Variants in SNX7 observed in about 807,000 individuals in gnomAD.
SNX7 encodes sorting nexin-7.
A neutral mutation model predicts 48.4 loss-of-function variants in SNX7; 35 were observed. The ratio of observed to expected loss-of-function variants is 0.72; its 90% confidence interval spans 0.55 to 0.96. SNX7 has a LOEUF of 0.96. Ranked by LOEUF, SNX7 falls within the 40% of genes least tolerant of loss-of-function variation. The probability of loss-of-function intolerance (pLI) is 0.00; values close to 1 mark genes in which losing one functional copy is unlikely to be tolerated. For missense variants in SNX7, 553 were observed against 548.9 expected (o/e 1.01, Z -0.07); for synonymous variants, 190 against 190.2 (o/e 1.00, Z 0.01).
At chr1:98,664,727 A>C (rs1157569281) in intron 1 of SNX7, among the ~76,000 whole-genome samples, 2 of 152,212 alleles carry the variant, frequency 1.3e-5, no homozygotes, top group African/African-American at 2.4e-5. Context: ...GATGGAAAGT[A>C]AAACAAAGTT....
chr1:98,717,904 A>G (rs1420204461), intron 7 of SNX7, among the ~76,000 whole-genome samples: 3 of 152,110 alleles, frequency 2.0e-5, no homozygotes, highest in Non-Finnish European at 4.4e-5. Flanking sequence ...GAAGCTTTTA[A>G]TGTAAACTTA....
At chr1:98,707,438 CTG>C (rs1292405585) in intron 7 of SNX7, among the ~76,000 whole-genome samples, 1 of 152,114 alleles carries the variant, frequency 6.6e-6, no homozygotes, top group African/African-American at 2.4e-5. Context: ...ATAATAATAA[CTG>C]AGATTATGAG....
intron 8 of SNX7, among the ~76,000 whole-genome samples, chr1:98,739,264 C>T (rs981380383): frequency 2.0e-5 from 3 of 152,218 alleles, no homozygotes; most frequent in African/African-American, 4.8e-5. Flanking sequence ...GCTCACCCGC[C>T]GCTCACCTCC....
chr1:98,707,306 A>G (rs562281499), intron 7 of SNX7, among the ~76,000 whole-genome samples: 7 of 152,306 alleles, frequency 4.6e-5, no homozygotes, highest in South Asian at 4.2e-4. Flanking sequence ...ATAATTTGAT[A>G]TATGATAATT....
Position 98,701,816 on chromosome 1 carries a change from G to A in SNX7, c.1039-1G>A, listed in dbSNP as rs762890900. 2 of 1,603,406 alleles carry A rather than the reference G, an allele frequency of 1.2e-6. No homozygotes were observed. Among genetic ancestry groups the A allele is most frequent in the East Asian group, 4.5e-5 (2 of 44,436 alleles). On this transcript the variant is annotated splice_acceptor_variant, in intron 6 of 8. Coordinates refer to ENST00000306121, the MANE Select transcript of SNX7 (RefSeq NM_015976.5). LOFTEE classifies it high-confidence loss of function. ...TTTTATCTGTGTGTTTTAATGTAAA[G>A]GGTGTTATGAAAAGAAGAGACCAAA...
At chr1:98,678,608 A>G (rs1005835612) in intron 1 of SNX7, among the ~76,000 whole-genome samples, 4 of 152,296 alleles carry the variant, frequency 2.6e-5, no homozygotes, top group South Asian at 4.1e-4. Context: ...ATCTTGTTCT[A>G]AAAAGTAAAG....
intron 1 of SNX7, among the ~76,000 whole-genome samples, chr1:98,682,406 T>C (rs960540970): frequency 1.3e-5 from 2 of 152,194 alleles, no homozygotes; most frequent in African/African-American, 4.8e-5. Flanking sequence ...TATTTTTTTC[T>C]TTCTTGGCAT....
intron 7 of SNX7, among the ~76,000 whole-genome samples, chr1:98,710,648 A>T (rs192008088): frequency 1.3e-5 from 2 of 152,190 alleles, no homozygotes; most frequent in African/African-American, 4.8e-5. Context: ...ACCAGATTCA[A>T]TTTCTTTTTA....
chr1:98,693,933 T>C (rs1651286320), intron 4 of SNX7, among the ~76,000 whole-genome samples: 1 of 152,232 alleles, frequency 6.6e-6, no homozygotes, highest in African/African-American at 2.4e-5. Flanking sequence ...CTTTTTTGTT[T>C]GTATTTGTTC....
rs139708787 is a variant in SNX7 at position 98,736,209 on chromosome 1, A to G, written c.1126-2028A>G. 2.2e-3 allele frequency among the ~76,000 whole-genome samples: 330 copies of G among 152,328 alleles called. 5 individuals carry two copies. The highest frequency in any genetic ancestry group is 7.2e-3 in the African/African-American group (299 of 41,580). ...AGTAGAACCACTCTGTTGGCATTCT[A>G]TGCCATTGCATGGCAATTTAAACTG... On this transcript the variant is annotated intron_variant, in intron 7 of 8. Transcript: ENST00000306121.
Position 98,685,033 on chromosome 1 carries a change from T to A in SNX7, c.329T>A (p.Ile110Lys). 2 of 1,571,446 alleles carry A rather than the reference T, an allele frequency of 1.3e-6. No homozygotes were observed. The highest frequency in any genetic ancestry group is 1.7e-6 in the Non-Finnish European group (2 of 1,155,958). ...GAACCTGAAAGTCATGTTACTACAATAGAAACTTTCATTACGTATAGGATT... is the reference window on the plus strand; with the variant it reads ...GAACCTGAAAGTCATGTTACTACAAAAGAAACTTTCATTACGTATAGGATT... ...VDEPESHVTT[I>K]ETFITYRIIT... The change falls in exon 2 of 9, where the codon ATA becomes AAA. Residue 110 changes from isoleucine to lysine, a missense_variant. Coordinates refer to ENST00000306121, the MANE Select transcript of SNX7 (RefSeq NM_015976.5).
At position 98,748,637 on chromosome 1, in the gene SNX7, AACAC is replaced by A. The variant is rs58973289; in HGVS notation, c.1278+10281_1278+10284del. ...GTATAGAAAAGGAAGAAATGATTTA[AACAC>A]ACACACACACACACACACACACACA... is the stretch of plus-strand genomic sequence containing the variant. On this transcript the variant is annotated intron_variant, in intron 8 of 8. Transcript: ENST00000306121. Among the ~76,000 whole-genome samples, 449 of 145,834 alleles carry A rather than the reference AACAC, an allele frequency of 3.1e-3. 3 individuals are homozygous for A. Among genetic ancestry groups the A allele is most frequent in the South Asian group, 5.9e-3 (26 of 4,422 alleles).
intron 7 of SNX7, among the ~76,000 whole-genome samples, chr1:98,711,277 C>G (rs1426768173): frequency 6.6e-6 from 1 of 152,134 alleles, no homozygotes; most frequent in Non-Finnish European, 1.5e-5. Context: ...CTTGACCTCC[C>G]AAAGTGCTGG....
At chr1:98,670,870 T>TTTTA (rs71075409) in intron 1 of SNX7, among the ~76,000 whole-genome samples, 5,244 of 151,078 alleles carry the variant, frequency 0.035, 271 homozygotes, top group African/African-American at 0.11. Flanking sequence ...AGACAGTGAG[T>TTTTA]TTTATTTATT....
intron 7 of SNX7, among the ~76,000 whole-genome samples, chr1:98,712,208 C>T (rs1013403216): frequency 6.6e-6 from 1 of 152,116 alleles, no homozygotes; most frequent in Non-Finnish European, 1.5e-5. Context: ...ATATTTTGGT[C>T]TGTTCCCATG....
intron 7 of SNX7, among the ~76,000 whole-genome samples, chr1:98,721,479 G>A (rs1033777058): frequency 6.6e-6 from 1 of 152,038 alleles, no homozygotes; most frequent in Non-Finnish European, 1.5e-5. Flanking sequence ...GTATGTTAAG[G>A]TTTGCATCAC....
At chr1:98,759,289 C>T (rs914655842) in intron 8 of SNX7, among the ~76,000 whole-genome samples, 2 of 151,618 alleles carry the variant, frequency 1.3e-5, no homozygotes, top group South Asian at 2.1e-4. Flanking sequence ...TTATGATTTA[C>T]AAGAATCCTA....
chr1:98,757,100 T>C (rs552733395), intron 8 of SNX7, among the ~76,000 whole-genome samples: 20 of 152,238 alleles, frequency 1.3e-4, no homozygotes, highest in African/African-American at 4.8e-4. Context: ...CCTTCTGCCA[T>C]GATTGTAAAC....
intron 2 of SNX7, among the ~76,000 whole-genome samples, chr1:98,685,579 C>T (rs6660203): frequency 0.57 from 87,068 of 151,760 alleles, 25,829 homozygotes; most frequent in Middle Eastern, 0.66. Context: ...AATCGTAGGG[C>T]GAAGTGCTAC....
Sources: allele counts gnomAD v4.1 joint callset (sites outside exome capture counted in the v4.1 genomes callset), GRCh38; gene constraint gnomAD v4.1.1; transcripts MANE v1.5; gene names NCBI Gene and HGNC (gene_info 2026-07-23, HGNC 2026-07-21).